Variants in TNIK observed in about 807,000 individuals in gnomAD.
The protein encoded by TNIK is TRAF2 and NCK interacting kinase, also known as TRAF2 and NCK-interacting protein kinase.
In TNIK, 49 loss-of-function variants were observed where a neutral mutation model predicts 191.3. The observed-to-expected ratio is 0.26, with a 90% CI of 0.20 to 0.32. TNIK has a LOEUF of 0.32. TNIK is among the 10% of genes least tolerant of loss of function. The pLI is 1.00. For missense variants in TNIK, 1,155 were observed against 1,702.3 expected (o/e 0.68, Z 5.66); for synonymous variants, 594 against 600.9 (o/e 0.99, Z 0.17).
At chr3:171,182,167 A>ATTTTTTTT (rs749734562) in intron 7 of TNIK, among the ~76,000 whole-genome samples, 2 of 65,612 alleles carry the variant, frequency 3.0e-5, no homozygotes, top group African/African-American at 5.5e-5. Flanking sequence ...CATTGTTAGG[A>ATTTTTTTT]TTTTTTTTTT....
chr3:171,409,207 G>T (rs569494138), intron 1 of TNIK, among the ~76,000 whole-genome samples: 17 of 152,274 alleles, frequency 1.1e-4, no homozygotes, highest in African/African-American at 3.9e-4. Context: ...GCATATCCTT[G>T]CAAAGATCCA....
intron 19 of TNIK, among the ~76,000 whole-genome samples, chr3:171,110,362 C>G (rs1725660438): frequency 6.6e-6 from 1 of 152,162 alleles, no homozygotes; most frequent in Non-Finnish European, 1.5e-5. Flanking sequence ...GCAATGCGTT[C>G]AGGACATTTG....
intron 1 of TNIK, among the ~76,000 whole-genome samples, chr3:171,380,382 G>A (rs1309242015): frequency 6.6e-6 from 1 of 152,134 alleles, no homozygotes; most frequent in Non-Finnish European, 1.5e-5. Flanking sequence ...ACAAGAGCTG[G>A]TTACCTAAAT....
At chr3:171,134,574 C>T (rs1046846240) in intron 15 of TNIK, among the ~76,000 whole-genome samples, 2 of 152,178 alleles carry the variant, frequency 1.3e-5, no homozygotes, top group African/African-American at 4.8e-5. Flanking sequence ...CGTGAGCCAC[C>T]GTGCCTGGCT....
chr3:171,399,332 TTGGACC>T (rs1458258864), intron 1 of TNIK, among the ~76,000 whole-genome samples: 2 of 152,176 alleles, frequency 1.3e-5, no homozygotes, highest in Non-Finnish European at 2.9e-5. Context: ...GCAAATTCCC[TTGGACC>T]CTGAGCCTCC....
chr3:171,160,805 T>C (rs1248643150), intron 11 of TNIK, among the ~76,000 whole-genome samples: 1 of 152,186 alleles, frequency 6.6e-6, no homozygotes, highest in African/African-American at 2.4e-5. Flanking sequence ...GAAAATCACT[T>C]TCTCCTGGAT....
At chr3:171,265,393 A>G (rs1456130424) in intron 2 of TNIK, among the ~76,000 whole-genome samples, 1 of 152,194 alleles carries the variant, frequency 6.6e-6, no homozygotes, top group Non-Finnish European at 1.5e-5. Context: ...ACCTACACTG[A>G]CTTCTTTTTA....
intron 1 of TNIK, among the ~76,000 whole-genome samples, chr3:171,400,385 T>C (rs1241303433): frequency 6.6e-6 from 1 of 151,960 alleles, no homozygotes. Context: ...GGCAGCATAG[T>C]GAGACCTCAT....
intron 12 of TNIK, among the ~76,000 whole-genome samples, chr3:171,146,161 G>A (rs1425645530): frequency 2.0e-5 from 3 of 152,172 alleles, no homozygotes; most frequent in East Asian, 1.9e-4. Context: ...GGGCAACAGC[G>A]CTGGATGCCA....
chr3:171,193,599 G>A lies in TNIK; in HGVS notation c.417+926C>T, dbSNP rs151094897. On this transcript the variant is annotated intron_variant, in intron 5 of 32. Transcript: ENST00000436636. Reference sequence around the variant, plus strand: ...GGTTTGCATTTAATGAACAGACATCGTCTTCTTATGCCTTCCTTCTTTTTT... The same window carrying A: ...GGTTTGCATTTAATGAACAGACATCATCTTCTTATGCCTTCCTTCTTTTTT... Among the ~76,000 whole-genome samples, 291 of 152,192 alleles carry A rather than the reference G, an allele frequency of 1.9e-3. 2 individuals are homozygous for A. Among genetic ancestry groups the A allele is most frequent in the Middle Eastern group, 3.4e-3 (1 of 294 alleles).
In TNIK at chr3:171,456,741, C is replaced by T. The variant is rs556091170; in HGVS notation, c.57+3266G>A. On this transcript the variant is annotated intron_variant, in intron 1 of 32. Transcript: ENST00000436636. ...CAAGCTTACTTGCATGAAGTAGTTT[C>T]GCCATTCTCAATAAATAAAATTCCC... 7.9e-5 allele frequency among the ~76,000 whole-genome samples: 12 copies of T among 152,272 alleles called. No homozygotes were observed. The South Asian group carries it at 1.7e-3, about 21-fold the overall frequency.
chr3:171,156,752 G>A (rs1397966191), intron 12 of TNIK, among the ~76,000 whole-genome samples: 2 of 152,220 alleles, frequency 1.3e-5, no homozygotes, highest in Non-Finnish European at 2.9e-5. Flanking sequence ...GCTGCTAAAG[G>A]CAGGTCTTGC....
At chr3:171,218,957 T>C (rs959677601) in intron 3 of TNIK, among the ~76,000 whole-genome samples, 27 of 130,230 alleles carry the variant, frequency 2.1e-4, no homozygotes, top group African/African-American at 7.3e-4. Flanking sequence ...ATATAATAAA[T>C]ATTAAATATT....
chr3:171,383,336 T>C (rs1718312226), intron 1 of TNIK, among the ~76,000 whole-genome samples: 2 of 152,222 alleles, frequency 1.3e-5, no homozygotes, highest in South Asian at 4.1e-4. Flanking sequence ...TCGACTGCTC[T>C]TTTTTGAGTG....
In TNIK at chr3:171,101,537, C is replaced by T; in HGVS notation, c.2503G>A (p.Glu835Lys). ...TCCTCTTCCTCGCTACTTTCTGACTCCTCACTGGAGGAGGAGTAATCAGTC... is the reference window on the plus strand; with the variant it reads ...TCCTCTTCCTCGCTACTTTCTGACTTCTCACTGGAGGAGGAGTAATCAGTC... ...KVTDYSSSSE[E>K]SESSEEEEED... Residue 835 changes from glutamate (E) to lysine (K), a missense_variant, in exon 22 of 33, where the codon GAG becomes AAG. By Grantham distance (56) the Glu-to-Lys change is moderately conservative. Around this residue, in one of 3 missense-constraint regions of TNIK, gnomAD observed 735 missense variants for 848.0 expected, o/e 0.87. Transcript: ENST00000436636. 1.2e-6 allele frequency: 2 copies of T among 1,613,592 alleles called. No homozygotes were observed. Among genetic ancestry groups the T allele is most frequent in the Non-Finnish European group, 1.7e-6 (2 of 1,179,626 alleles).
intron 2 of TNIK, among the ~76,000 whole-genome samples, chr3:171,306,262 T>G (rs7639714): frequency 0.024 from 3,653 of 152,198 alleles, 143 homozygotes; most frequent in African/African-American, 0.082. Context: ...ATCTGTCAGG[T>G]ACTATGCTCA....
At chr3:171,068,006 T>C (rs1438661013) in intron 30 of TNIK, among the ~76,000 whole-genome samples, 2 of 152,150 alleles carry the variant, frequency 1.3e-5, no homozygotes, top group South Asian at 4.1e-4. Flanking sequence ...CTTAAAACTC[T>C]CAAAATACCA....
chr3:171,328,773 G>C (rs141139135), intron 2 of TNIK, among the ~76,000 whole-genome samples: 3 of 152,176 alleles, frequency 2.0e-5, no homozygotes, highest in Non-Finnish European at 4.4e-5. Context: ...CCAGTGTGGG[G>C]GTGGATTCTG....
intron 1 of TNIK, among the ~76,000 whole-genome samples, chr3:171,445,167 C>T (rs1460031325): frequency 1.3e-5 from 2 of 152,018 alleles, no homozygotes; most frequent in Non-Finnish European, 2.9e-5. Context: ...TGGTGGCTCA[C>T]GCCTGTAATC....
Sources: gnomAD v4.1 joint callset for allele counts (sites outside exome capture counted in the v4.1 genomes callset) on GRCh38, gnomAD v4.1.1 for gene constraint, gnomAD v4.1.1 regional missense constraint, MANE v1.5 for transcripts, NCBI Gene and HGNC (gene_info 2026-07-23, HGNC 2026-07-21) for gene names.